SERPINB10: variants seen among roughly 807,000 people sequenced by gnomAD.
SERPINB10 encodes the protein serpin B10.
SERPINB10 carries 35 observed loss-of-function variants against 39.1 expected under a neutral mutation model. The observed-to-expected ratio is 0.90, with a 90% confidence interval of 0.68 to 1.19. SERPINB10 has a LOEUF of 1.19. Ranked by LOEUF, SERPINB10 falls within the 50% of genes most tolerant of loss-of-function variation. SERPINB10 has a pLI of 0.00. For synonymous variants in SERPINB10, 190 were observed against 158.1 expected, an observed-to-expected ratio of 1.20 and a Z score of -1.52; for missense variants, 546 against 460.5, an observed-to-expected ratio of 1.19 and a Z score of -1.70.
chr18:63,915,684 T>C lies in SERPINB10; in HGVS notation c.168+6T>C, dbSNP rs200832026. The stretch of plus-strand genomic sequence containing the variant: ...CTGCAGCCCAAATGGCCCAGGTGAG[T>C]GGAAAAGGTCAACTATCTTCTGTTT... On this transcript the variant is annotated splice_donor_region_variant and intron_variant, in intron 2 of 7. Transcript: ENST00000238508. 9.1e-5 allele frequency: 145 copies of C among 1,595,918 alleles called. No homozygotes were observed. Among genetic ancestry groups the C allele is most frequent in the Non-Finnish European group, 1.2e-4 (139 of 1,168,834 alleles).
chr18:63,930,323 A>C, intron 6 of SERPINB10, 136 bp downstream of exon 6: 1 of 924,060 alleles, frequency 1.1e-6, no homozygotes, highest in Non-Finnish European at 1.6e-6. Context: ...GCTGGGCTAA[A>C]AGCCTTCAGT....
chr18:63,927,843 A>T (rs1424802436), intron 5 of SERPINB10, among the ~76,000 whole-genome samples: 1 of 152,102 alleles, frequency 6.6e-6, no homozygotes, highest in African/African-American at 2.4e-5. Context: ...AAATGGGTTT[A>T]CGGATGGGAA....
At chr18:63,910,443 CT>C in intron 1 of SERPINB10, among the ~76,000 whole-genome samples, 1 of 151,920 alleles carries the variant, frequency 6.6e-6, no homozygotes, top group Non-Finnish European at 1.5e-5. Flanking sequence ...GTTTTTCAAT[CT>C]TTTCTCCATT....
At chr18:63,931,994 G>A (rs138052317) in intron 6 of SERPINB10, among the ~76,000 whole-genome samples, 119 of 152,214 alleles carry the variant, frequency 7.8e-4, no homozygotes, top group African/African-American at 2.7e-3. Flanking sequence ...ATGTCACATA[G>A]TTGTAATCAT....
At chr18:63,929,000 A>G (rs987159090) in intron 5 of SERPINB10, among the ~76,000 whole-genome samples, 1 of 152,116 alleles carries the variant, frequency 6.6e-6, no homozygotes, top group African/African-American at 2.4e-5. Flanking sequence ...TGAGAAACCC[A>G]GCTAAACCTG....
Position 63,935,133 on chromosome 18 carries a change from G to T in SERPINB10, c.1085G>T (p.Arg362Leu), listed in dbSNP as rs267605235. 1 of 1,613,604 alleles carries T rather than the reference G, an allele frequency of 6.2e-7. No individual in the cohort carries two copies. The highest frequency in any genetic ancestry group is 1.1e-5 in the South Asian group (1 of 91,080). ...AAGSGSEIDI[R>L]IRVPSIEFNA... is the part of the protein sequence containing the mutation. ...GGCAGTGGGAGTGAGATAGATATAC[G>T]AATTAGAGTCCCATCCATTGAATTC... Residue 362 changes from arginine to leucine, a missense_variant, in exon 8 of 8, where the codon CGA (arginine) becomes CTA (leucine). Arg to Leu is a moderately radical substitution (Grantham distance 102). Coordinates refer to ENST00000238508, the MANE Select transcript of SERPINB10 (RefSeq NM_005024.3).
chr18:63,926,923 C>G (rs1354106174), intron 5 of SERPINB10, among the ~76,000 whole-genome samples: 1 of 151,908 alleles, frequency 6.6e-6, no homozygotes, highest in Admixed American at 6.6e-5. Flanking sequence ...GTAATTATAT[C>G]ATTTTCTAAT....
chr18:63,917,575 C>T (rs2050113464), intron 3 of SERPINB10, 54 bp downstream of exon 3: 2 of 1,050,930 alleles, frequency 1.9e-6, no homozygotes, highest in African/African-American at 3.3e-5. Context: ...GTACTTTTAG[C>T]ACATGTATTT....
At chr18:63,929,712 CAAAAAAAAA>C (rs74169990) in intron 5 of SERPINB10, among the ~76,000 whole-genome samples, 51,318 of 97,996 alleles carry the variant, frequency 0.52, 11,239 homozygotes, top group African/African-American at 0.66. Context: ...AGCTAAAGTG[CAAAAAAAAA>C]AAAAAAAAAA....
At chr18:63,909,087 C>T (rs2050045866) in intron 1 of SERPINB10, among the ~76,000 whole-genome samples, 2 of 151,916 alleles carry the variant, frequency 1.3e-5, no homozygotes, top group Non-Finnish European at 2.9e-5. Context: ...CACTGATGTG[C>T]TAGGGGCATG....
Position 63,915,685 on chromosome 18 carries a change from G to A in SERPINB10, c.168+7G>A, listed in dbSNP as rs2050097288. 1 of 1,593,040 alleles carries A rather than the reference G, an allele frequency of 6.3e-7. No homozygotes were observed. Among genetic ancestry groups the A allele is most frequent in the African/African-American group, 1.3e-5 (1 of 74,248 alleles). On this transcript the variant is annotated splice_region_variant and intron_variant, in intron 2 of 7. Coordinates refer to ENST00000238508, the MANE Select transcript of SERPINB10 (RefSeq NM_005024.3). ...TGCAGCCCAAATGGCCCAGGTGAGT[G>A]GAAAAGGTCAACTATCTTCTGTTTC...
chr18:63,910,748 T>G (rs1955360), intron 1 of SERPINB10, among the ~76,000 whole-genome samples: 39,462 of 151,772 alleles, frequency 0.26, 5,757 homozygotes, highest in African/African-American at 0.39. Context: ...TGAATAGTGC[T>G]GTGATGAACA....
intron 4 of SERPINB10, among the ~76,000 whole-genome samples, 192 bp downstream of exon 4, chr18:63,918,294 A>T (rs975156297): frequency 6.6e-6 from 1 of 152,008 alleles, no homozygotes; most frequent in African/African-American, 2.4e-5. Flanking sequence ...CTCAAATCAG[A>T]TCTAGGAATC....
intron 1 of SERPINB10, among the ~76,000 whole-genome samples, chr18:63,914,436 GGCT>G (rs1309118802): frequency 1.3e-5 from 2 of 152,018 alleles, no homozygotes; most frequent in Non-Finnish European, 2.9e-5. Flanking sequence ...TTTCTTGTAA[GGCT>G]GGTCTAGCAG....
intron 2 of SERPINB10, among the ~76,000 whole-genome samples, chr18:63,916,078 G>T (rs1414077457): frequency 6.6e-6 from 1 of 151,866 alleles, no homozygotes; most frequent in African/African-American, 2.4e-5. Context: ...AAAAATAAAA[G>T]AATTCTGTTT....
At chr18:63,931,380 C>T (rs73480050) in intron 6 of SERPINB10, among the ~76,000 whole-genome samples, 2,327 of 152,234 alleles carry the variant, frequency 0.015, 64 homozygotes, top group African/African-American at 0.052. Context: ...TAGGAGGGCT[C>T]TGGTTGGGGC....
intron 1 of SERPINB10, among the ~76,000 whole-genome samples, chr18:63,913,964 ATAGTTAAGT>A (rs1469528163): frequency 5.3e-3 from 1 of 188 alleles, no homozygotes; most frequent in Non-Finnish European, 0.01. Context: ...TACGTTTAGT[ATAGTTAAGT>A]CAGTTAAGTC....
rs1568250968 is a variant in SERPINB10 at position 63,933,028 on chromosome 18, TG to T, written c.634-19del. 1 of 1,601,302 alleles carries T rather than the reference TG, an allele frequency of 6.2e-7. No individual in the cohort carries two copies. Reference sequence around the variant, plus strand: ...TCAATGACCTTGTTACCTGTTTTTTTGTTTTTTTGTTTTTTTTAGACTACAA... The same window carrying T: ...TCAATGACCTTGTTACCTGTTTTTTTTTTTTTTGTTTTTTTTAGACTACAA... On this transcript the variant is annotated intron_variant, in intron 6 of 7. Coordinates refer to ENST00000238508, the MANE Select transcript of SERPINB10 (RefSeq NM_005024.3).
chr18:63,926,919 A>T (rs1240865187), intron 5 of SERPINB10, among the ~76,000 whole-genome samples: 4 of 152,184 alleles, frequency 2.6e-5, no homozygotes, highest in South Asian at 2.1e-4. Flanking sequence ...GGATGTAATT[A>T]TATCATTTTC....
Sources: allele counts gnomAD v4.1 joint callset (sites outside exome capture counted in the v4.1 genomes callset), GRCh38; gene constraint gnomAD v4.1.1; transcripts MANE v1.5; gene names NCBI Gene and HGNC (gene_info 2026-07-23, HGNC 2026-07-21).